COBL: variants seen among roughly 807,000 people sequenced by gnomAD.
COBL encodes the protein cordon-bleu WH2 repeat protein.
COBL carries 51 observed loss-of-function variants against 98.8 expected under a neutral mutation model. The observed-to-expected ratio is 0.52, with a 90% CI of 0.41 to 0.65. The LOEUF (loss-of-function observed/expected upper bound fraction) is 0.65, where lower values mean the gene tolerates loss of function less well. COBL is among the 30% of genes least tolerant of loss of function. The pLI is 0.00. For missense variants in COBL, 1,617 were observed against 1,617.5 expected (o/e 1.00, Z 0.01); for synonymous variants, 634 against 651.7 (o/e 0.97, Z 0.41).
intron 6 of COBL, among the ~76,000 whole-genome samples, chr7:51,085,532 G>A (rs550285734): frequency 1.3e-5 from 2 of 152,294 alleles, no homozygotes; most frequent in African/African-American, 4.8e-5. Context: ...AGGTGGCACA[G>A]TGTTGCTCAT....
chr7:51,038,074 A>ACTC (rs1788809968), intron 8 of COBL, among the ~76,000 whole-genome samples: 1 of 151,630 alleles, frequency 6.6e-6, no homozygotes, highest in South Asian at 2.1e-4. Context: ...CTGGTCTTGA[A>ACTC]CTCCTGACCT....
intron 6 of COBL, among the ~76,000 whole-genome samples, chr7:51,093,485 T>C (rs182526795): frequency 4.6e-5 from 7 of 152,266 alleles, no homozygotes; most frequent in Non-Finnish European, 5.9e-5. Context: ...GATCCAACCA[T>C]CCCCACTTCT....
chr7:51,037,252 C>A (rs746352865), intron 8 of COBL, among the ~76,000 whole-genome samples: 1 of 152,168 alleles, frequency 6.6e-6, no homozygotes, highest in African/African-American at 2.4e-5. Context: ...CATAACAATA[C>A]CAGCAACAAT....
At chr7:51,026,095 A>G (rs1787524123) in intron 11 of COBL, among the ~76,000 whole-genome samples, 1 of 152,252 alleles carries the variant, frequency 6.6e-6, no homozygotes, top group Non-Finnish European at 1.5e-5. Flanking sequence ...GTGCATGGAA[A>G]CTAAGATGAG....
At chr7:51,310,728 C>T (rs991119881) in intron 1 of COBL, among the ~76,000 whole-genome samples, 8 of 152,148 alleles carry the variant, frequency 5.3e-5, no homozygotes, top group Non-Finnish European at 1.0e-4. Flanking sequence ...GGCACAATCT[C>T]GGCTCACTGT....
chr7:51,142,165 G>A (rs1289677882), intron 5 of COBL, among the ~76,000 whole-genome samples: 1 of 152,072 alleles, frequency 6.6e-6, no homozygotes, highest in East Asian at 1.9e-4. Context: ...AGGGTGAGGC[G>A]AGTAGGAAAT....
At chr7:51,301,615 T>A (rs1801975455) in intron 1 of COBL, among the ~76,000 whole-genome samples, 2 of 152,336 alleles carry the variant, frequency 1.3e-5, no homozygotes, top group African/African-American at 4.8e-5. Flanking sequence ...TCTTCCTCTG[T>A]AAGCAAGCTG....
intron 5 of COBL, among the ~76,000 whole-genome samples, chr7:51,161,683 T>C (rs1210735483): frequency 6.6e-6 from 1 of 152,220 alleles, no homozygotes; most frequent in Non-Finnish European, 1.5e-5. Context: ...ACTTTAACTT[T>C]ATGGTATCAA....
chr7:51,088,307 T>C (rs1293031933), intron 6 of COBL, among the ~76,000 whole-genome samples: 1 of 151,890 alleles, frequency 6.6e-6, no homozygotes, highest in Non-Finnish European at 1.5e-5. Flanking sequence ...GTCTATTTTT[T>C]TCTTGAGTAC....
chr7:51,125,967 G>A (rs77121357), intron 6 of COBL, among the ~76,000 whole-genome samples: 12,878 of 152,212 alleles, frequency 0.085, 777 homozygotes, highest in South Asian at 0.16. Context: ...GTAAGGGATG[G>A]TAACTTCTAG....
At chr7:51,287,859 G>A in intron 1 of COBL, among the ~76,000 whole-genome samples, 1 of 152,210 alleles carries the variant, frequency 6.6e-6, no homozygotes, top group East Asian at 1.9e-4. Context: ...AAAAATGAAT[G>A]AACTACTGAC....
chr7:51,151,736 C>A (rs1328304740), intron 5 of COBL, among the ~76,000 whole-genome samples: 1 of 152,196 alleles, frequency 6.6e-6, no homozygotes, highest in Non-Finnish European at 1.5e-5. Context: ...AACAATCATA[C>A]CAGCAAATAC....
At chr7:51,048,716 C>T (rs1466392944) in intron 7 of COBL, among the ~76,000 whole-genome samples, 1 of 151,978 alleles carries the variant, frequency 6.6e-6, no homozygotes, top group East Asian at 1.9e-4. Flanking sequence ...TCACCATAAG[C>T]AAGTTGTATT....
intron 1 of COBL, among the ~76,000 whole-genome samples, chr7:51,246,362 T>C (rs1796270294): frequency 1.3e-5 from 2 of 152,156 alleles, no homozygotes; most frequent in African/African-American, 4.8e-5. Context: ...GTAAATGCTG[T>C]TTGTTGTCAG....
intron 6 of COBL, among the ~76,000 whole-genome samples, chr7:51,099,590 G>C (rs1487762466): frequency 6.6e-6 from 1 of 152,122 alleles, no homozygotes; most frequent in Non-Finnish European, 1.5e-5. Flanking sequence ...GCTTGAGGGA[G>C]GGGGAAAAGA....
intron 8 of COBL, among the ~76,000 whole-genome samples, chr7:51,038,538 A>G (rs1217215833): frequency 6.6e-6 from 1 of 152,208 alleles, no homozygotes; most frequent in Non-Finnish European, 1.5e-5. Context: ...AATAGCTAAG[A>G]AAACTAGAAC....
At chr7:51,219,697 C>A in intron 2 of COBL, 44 bp downstream of exon 2, 1 of 1,590,124 alleles carries the variant, frequency 6.3e-7, no homozygotes, top group South Asian at 1.1e-5. Context: ...CCGCTATACT[C>A]GCAAAGTGAG....
intron 12 of COBL, among the ~76,000 whole-genome samples, chr7:51,019,018 C>T (rs1470142287): frequency 7.0e-6 from 1 of 143,550 alleles, no homozygotes; most frequent in Non-Finnish European, 1.5e-5. Context: ...TGTGGTACAA[C>T]ACAATTTGTC....
chr7:51,133,511 GC>G (rs1397768256), intron 6 of COBL, among the ~76,000 whole-genome samples: 1 of 152,152 alleles, frequency 6.6e-6, no homozygotes, highest in Non-Finnish European at 1.5e-5. Context: ...AAATGTTCAG[GC>G]CCCATCCAGA....
Sources: allele counts gnomAD v4.1 joint callset (sites outside exome capture counted in the v4.1 genomes callset), GRCh38; gene constraint gnomAD v4.1.1; transcripts MANE v1.5; gene names NCBI Gene and HGNC (gene_info 2026-07-23, HGNC 2026-07-21).